THADA: variants seen among roughly 807,000 people sequenced by gnomAD.
THADA encodes the protein tRNA (32-2'-O)-methyltransferase regulator THADA.
Under a neutral mutation model 219.8 loss-of-function variants are expected in THADA, and 213 were observed. That is an observed-to-expected ratio of 0.97 (90% CI 0.87 to 1.09). THADA has a LOEUF of 1.09. THADA is among the 50% of genes least tolerant of loss of function. THADA has a pLI of 0.00. For synonymous variants in THADA, 1,018 were observed against 828.9 expected (o/e 1.23, Z -3.92); for missense variants, 2,956 against 2,311.3 (o/e 1.28, Z -5.72).
chr2:43,536,072 G>C (rs995610682), intron 21 of THADA, among the ~76,000 whole-genome samples: 1 of 152,120 alleles, frequency 6.6e-6, no homozygotes. Flanking sequence ...AAAGTGCTGG[G>C]ATTACAGGCA....
Position 43,488,507 on chromosome 2 carries a change from G to C in THADA, c.3745-3182C>G, listed in dbSNP as rs1388505369. 5.3e-5 allele frequency among the ~76,000 whole-genome samples: 8 copies of C among 152,112 alleles called. No individual in the cohort carries two copies. In the East Asian group the frequency reaches 1.2e-3, roughly 22 times the overall value. Reference sequence around the variant, plus strand: ...TTCCCCCATGTTGTAGCATGTATCAGTATGTTATTCCTTTTTTATGGCTTA... The same window carrying C: ...TTCCCCCATGTTGTAGCATGTATCACTATGTTATTCCTTTTTTATGGCTTA... On this transcript the variant is annotated intron_variant, in intron 25 of 37. Coordinates refer to ENST00000405975, the MANE Select transcript of THADA (RefSeq NM_022065.5).
intron 25 of THADA, chr2:43,492,188 C>T (rs1444853245): frequency 6.6e-6 from 1 of 152,048 alleles, no homozygotes; most frequent in Non-Finnish European, 1.5e-5. Flanking sequence ...TGGCGGGCGC[C>T]TGTAATCCCA....
intron 23 of THADA, among the ~76,000 whole-genome samples, chr2:43,506,537 C>A (rs1689689464): frequency 6.6e-6 from 1 of 152,122 alleles, no homozygotes; most frequent in Admixed American, 6.5e-5. Flanking sequence ...ATGTATAGAT[C>A]TGGAAGGTAG....
intron 31 of THADA, among the ~76,000 whole-genome samples, chr2:43,299,507 C>T (rs1482936313): frequency 6.6e-6 from 1 of 150,622 alleles, no homozygotes; most frequent in Non-Finnish European, 1.5e-5. Flanking sequence ...AAAAAAAATA[C>T]AAAAATTAGC....
At chr2:43,344,347 C>CAG in intron 29 of THADA, 110 bp from the exon 30 acceptor site, 1 of 713,428 alleles carries the variant, frequency 1.4e-6, no homozygotes, top group Non-Finnish European at 2.3e-6. Flanking sequence ...AAAACAGACA[C>CAG]CTGCAGAATG....
At chr2:43,567,126 A>G (rs1698784156) in intron 14 of THADA, among the ~76,000 whole-genome samples, 1 of 151,374 alleles carries the variant, frequency 6.6e-6, no homozygotes, top group Admixed American at 6.6e-5. Flanking sequence ...TGGGTTCAAC[A>G]GCCCTAGTCT....
chr2:43,554,825 T>A (rs1238145016), intron 17 of THADA, among the ~76,000 whole-genome samples: 3 of 152,338 alleles, frequency 2.0e-5, no homozygotes, highest in East Asian at 3.9e-4. Context: ...GATATTAATA[T>A]ACAGGCTAAG....
In THADA at chr2:43,592,021, A is replaced by G. The variant is rs1036692190; in HGVS notation, c.102T>C (p.Asn34=). 7 of 1,562,066 alleles carry G rather than the reference A, an allele frequency of 4.5e-6. No individual in the cohort carries two copies. Among genetic ancestry groups the G allele is most frequent in the African/African-American group, 1.4e-5 (1 of 73,790 alleles). The change falls in exon 3 of 38, where the codon AAT becomes AAC. Residue 34 remains asparagine, a synonymous_variant. Transcript: ENST00000405975. ...LKSFADVEGK[N]LASLLLHCVQ... is the part of the protein sequence containing the mutation. ...CACAATGTAACAGCAAAGAAGCTAG[A>G]TTTTTCCCTTCCACATCAGCAAAAG...
chr2:43,277,023 C>T (rs2104297533), intron 36 of THADA, among the ~76,000 whole-genome samples: 1 of 152,314 alleles, frequency 6.6e-6, no homozygotes, highest in Middle Eastern at 3.4e-3. Context: ...CATCCCAACC[C>T]CACTGAGAGC....
intron 22 of THADA, among the ~76,000 whole-genome samples, chr2:43,515,572 T>C (rs1170422679): frequency 1.3e-5 from 2 of 148,536 alleles, no homozygotes; most frequent in South Asian, 2.1e-4. Flanking sequence ...GGAAAAAGCA[T>C]AGCAAAATTG....
chr2:43,260,724 T>C (rs953084192), intron 36 of THADA, among the ~76,000 whole-genome samples: 3 of 152,238 alleles, frequency 2.0e-5, no homozygotes, highest in Non-Finnish European at 2.9e-5. Context: ...TCTAGTGTGC[T>C]TGCAATTTGG....
intron 29 of THADA, among the ~76,000 whole-genome samples, chr2:43,357,487 C>T (rs187134652): frequency 4.1e-4 from 62 of 152,276 alleles, no homozygotes; most frequent in African/African-American, 1.3e-3. Flanking sequence ...ATGGAAGACA[C>T]GCACTTTCTT....
chr2:43,287,192 A>G (rs1411588095), intron 34 of THADA, 131 bp from the exon 35 acceptor site: 1 of 796,082 alleles, frequency 1.3e-6, no homozygotes, highest in Non-Finnish European at 1.9e-6. Flanking sequence ...GTTGTTTTTT[A>G]GTTGCTTTTC....
intron 30 of THADA, among the ~76,000 whole-genome samples, chr2:43,328,538 T>C (rs1679595485): frequency 6.6e-6 from 1 of 152,230 alleles, no homozygotes; most frequent in Non-Finnish European, 1.5e-5. Context: ...GACCAACTTA[T>C]ACGGAATTCT....
intron 22 of THADA, among the ~76,000 whole-genome samples, chr2:43,520,294 T>C (rs1185307489): frequency 6.6e-6 from 1 of 152,228 alleles, no homozygotes; most frequent in Non-Finnish European, 1.5e-5. Context: ...ATACAAAATA[T>C]ACAGTGTCTT....
chr2:43,330,911 G>A (rs555143507), intron 30 of THADA, among the ~76,000 whole-genome samples: 1 of 152,324 alleles, frequency 6.6e-6, no homozygotes, highest in African/African-American at 2.4e-5. Flanking sequence ...CATCTTCTGA[G>A]ACAGCCATAT....
At chr2:43,542,430 T>C (rs1558939970) in intron 20 of THADA, among the ~76,000 whole-genome samples, 2 of 152,206 alleles carry the variant, frequency 1.3e-5, no homozygotes, top group East Asian at 1.9e-4. Flanking sequence ...TTTAAAAATT[T>C]AAGTGTGGAG....
intron 28 of THADA, among the ~76,000 whole-genome samples, chr2:43,421,979 C>T (rs904430516): frequency 6.6e-6 from 1 of 152,198 alleles, no homozygotes; most frequent in Non-Finnish European, 1.5e-5. Context: ...ATTTCATTCA[C>T]TGAACATTCA....
At chr2:43,232,016 G>A (rs887906279) in intron 37 of THADA, among the ~76,000 whole-genome samples, 2 of 151,922 alleles carry the variant, frequency 1.3e-5, no homozygotes, top group Non-Finnish European at 2.9e-5. Context: ...GCTAATAATA[G>A]TTTTCTTCAA....
Sources: allele counts gnomAD v4.1 joint callset (sites outside exome capture counted in the v4.1 genomes callset), GRCh38; gene constraint gnomAD v4.1.1; transcripts MANE v1.5; gene names NCBI Gene and HGNC (gene_info 2026-07-23, HGNC 2026-07-21).